The following TENT5D variants were observed in gnomAD, a reference collection of about 807,000 sequenced individuals.
TENT5D encodes cancer/testis antigen 112.
For synonymous variants in TENT5D, 103 were observed against 100.6 expected (o/e 1.02, Z -0.15); for missense variants, 191 against 287.0 (o/e 0.67, Z 2.42).
chrX:80,407,587 C>A (rs1315378806), intron 3 of TENT5D, among the ~76,000 whole-genome samples: 2 of 106,309 alleles, frequency 1.9e-5, no homozygotes, highest in Non-Finnish European at 3.9e-5. Context: ...ACAGGAGCAC[C>A]CCGATTCATA....
chrX:80,408,845 C>A (rs1257535907), intron 3 of TENT5D, among the ~76,000 whole-genome samples: 1 of 110,007 alleles, frequency 9.1e-6, no homozygotes, highest in African/African-American at 3.3e-5. Flanking sequence ...TGCAAAAATC[C>A]TCAATAAAAT....
intron 3 of TENT5D, among the ~76,000 whole-genome samples, chrX:80,409,937 A>G (rs1338175647): frequency 9.2e-6 from 1 of 109,130 alleles, no homozygotes; most frequent in East Asian, 2.9e-4. Context: ...CTCAGAAATA[A>G]CACCGCATAT....
chrX:80,414,381 A>C (rs183668528), intron 3 of TENT5D, among the ~76,000 whole-genome samples: 11 of 109,366 alleles, frequency 1.0e-4, no homozygotes, highest in Admixed American at 5.8e-4. Context: ...GAATCCCTTC[A>C]TGGCCACCAA....
At chrX:80,341,487 G>A (rs1929955461) in intron 2 of TENT5D, among the ~76,000 whole-genome samples, 1 of 111,124 alleles carries the variant, frequency 9.0e-6, no homozygotes, top group South Asian at 3.7e-4. Context: ...ATCCAAAATG[G>A]CTTTTATTAT....
chrX:80,434,628 G>GC (rs1001229406), intron 1 of TENT5D, among the ~76,000 whole-genome samples: 9 of 110,999 alleles, frequency 8.1e-5, no homozygotes, highest in African/African-American at 2.6e-4. Context: ...GAACCTTATT[G>GC]CAACTAAAAT....
intron 2 of TENT5D, among the ~76,000 whole-genome samples, chrX:80,440,664 T>C (rs1300633251): frequency 9.0e-6 from 1 of 111,097 alleles, no homozygotes; most frequent in African/African-American, 3.2e-5. Flanking sequence ...TTTACTGATA[T>C]TGACAATGGA....
intron 3 of TENT5D, among the ~76,000 whole-genome samples, chrX:80,378,477 T>G (rs1017185577): frequency 2.3e-4 from 26 of 111,046 alleles, no homozygotes; most frequent in African/African-American, 8.2e-4. Context: ...TTCCATTTTT[T>G]TAAATAGGAC....
At chrX:80,369,659 A>G (rs1027789596) in intron 3 of TENT5D, among the ~76,000 whole-genome samples, 1 of 112,192 alleles carries the variant, frequency 8.9e-6, no homozygotes, top group South Asian at 3.6e-4. Context: ...ATATTTTTTA[A>G]AAAATAAATG....
chrX:80,407,019 G>C (rs1377231822), intron 3 of TENT5D, among the ~76,000 whole-genome samples: 3 of 107,376 alleles, frequency 2.8e-5, no homozygotes, highest in Non-Finnish European at 5.8e-5. Context: ...AAGTGAAGGA[G>C]AAATAAAATA....
intron 3 of TENT5D, among the ~76,000 whole-genome samples, chrX:80,397,899 G>A (rs756417690): frequency 9.0e-6 from 1 of 111,469 alleles, no homozygotes; most frequent in African/African-American, 3.2e-5. Flanking sequence ...GCTTCGGCTC[G>A]GCATCAGAGG....
At chrX:80,352,068 A>G (rs1404469660) in intron 3 of TENT5D, among the ~76,000 whole-genome samples, 1 of 111,712 alleles carries the variant, frequency 9.0e-6, no homozygotes, top group African/African-American at 3.3e-5. Context: ...GCTCTCCTGT[A>G]TGAGGTATCT....
At chrX:80,406,266 C>A (rs1158625058) in intron 3 of TENT5D, among the ~76,000 whole-genome samples, 1 of 111,835 alleles carries the variant, frequency 8.9e-6, no homozygotes, top group African/African-American at 3.3e-5. Flanking sequence ...CTTCGACGAG[C>A]TGAGAGAAGA....
At chrX:80,395,544 A>T (rs1441140839) in intron 3 of TENT5D, among the ~76,000 whole-genome samples, 1 of 111,377 alleles carries the variant, frequency 9.0e-6, no homozygotes, top group African/African-American at 3.3e-5. Flanking sequence ...TGTCTCTTTG[A>T]TGCTAATCAT....
intron 1 of TENT5D, among the ~76,000 whole-genome samples, chrX:80,423,389 AAAG>A (rs1211064779): frequency 8.9e-6 from 1 of 111,880 alleles, no homozygotes; most frequent in Non-Finnish European, 1.9e-5. Context: ...TTAATAAGCA[AAAG>A]AAGAACGCTT....
chrX:80,425,106 T>G (rs1931965529), intron 1 of TENT5D, among the ~76,000 whole-genome samples: 1 of 112,614 alleles, frequency 8.9e-6, no homozygotes. Context: ...GTTAAACCCT[T>G]GGCAAAACAC....
At chrX:80,386,626 G>A (rs1000429180) in intron 3 of TENT5D, among the ~76,000 whole-genome samples, 1 of 111,651 alleles carries the variant, frequency 9.0e-6, no homozygotes, top group East Asian at 2.8e-4. Context: ...TCAAATTTTA[G>A]TTGTAGGATC....
At chrX:80,345,791 A>G (rs942384360) in intron 3 of TENT5D, among the ~76,000 whole-genome samples, 5 of 111,504 alleles carry the variant, frequency 4.5e-5, no homozygotes, top group Admixed American at 1.9e-4. Flanking sequence ...TTCTATTGCC[A>G]GAGTTGCCTG....
upstream of TENT5D, among the ~76,000 whole-genome samples, chrX:80,416,229 A>G (rs776795857): frequency 9.6e-6 from 1 of 104,231 alleles, no homozygotes; most frequent in South Asian, 4.4e-4. Context: ...ATTCTTTCAA[A>G]GAACCAACTC....
At chrX:80,353,193 A>G (rs1930221180) in intron 3 of TENT5D, among the ~76,000 whole-genome samples, 1 of 112,487 alleles carries the variant, frequency 8.9e-6, no homozygotes, top group African/African-American at 3.2e-5. Flanking sequence ...ATATCTTTGC[A>G]TATTCTGGCT....
Sources: allele counts gnomAD v4.1 joint callset (sites outside exome capture counted in the v4.1 genomes callset), GRCh38; gene constraint gnomAD v4.1.1; transcripts MANE v1.5; gene names NCBI Gene and HGNC (gene_info 2026-07-23, HGNC 2026-07-21).